AUTS2: variants seen among roughly 807,000 people sequenced by gnomAD.
AUTS2 encodes the protein activator of transcription and developmental regulator AUTS2, also known as autism susceptibility gene 2 protein.
A neutral mutation model predicts 112.4 loss-of-function variants in AUTS2; 17 were observed. That is an observed-to-expected ratio of 0.15 (90% confidence interval 0.10 to 0.23). The LOEUF (loss-of-function observed/expected upper bound fraction) is 0.23, where lower values mean the gene tolerates loss of function less well. Ranked by LOEUF, AUTS2 falls within the 10% of genes least tolerant of loss-of-function variation. The pLI, the probability that AUTS2 is intolerant of heterozygous loss-of-function variation, is 1.00. For missense variants in AUTS2, 1,510 were observed against 1,701.6 expected, an observed-to-expected ratio of 0.89 and a Z score of 1.98; for synonymous variants, 751 against 702.7, an observed-to-expected ratio of 1.07 and a Z score of -1.09.
chr7:69,602,858 T>G (rs1340968035), intron 1 of AUTS2, among the ~76,000 whole-genome samples: 3 of 152,206 alleles, frequency 2.0e-5, no homozygotes, highest in Admixed American at 2.0e-4. Flanking sequence ...GCTATCACAT[T>G]GTGTCCATGC....
intron 1 of AUTS2, among the ~76,000 whole-genome samples, chr7:69,842,518 C>T (rs930125115): frequency 5.9e-5 from 9 of 152,184 alleles, no homozygotes; most frequent in Admixed American, 3.9e-4. Context: ...AAATTTTGAT[C>T]ACAGAAGTGT....
chr7:70,530,967 C>G (rs1283458619), intron 5 of AUTS2, among the ~76,000 whole-genome samples: 1 of 152,118 alleles, frequency 6.6e-6, no homozygotes, highest in African/African-American at 2.4e-5. Context: ...AAGGGGAAGT[C>G]AATGGTACCA....
intron 4 of AUTS2, among the ~76,000 whole-genome samples, chr7:70,428,906 CAG>C (rs1482646286): frequency 4.6e-5 from 7 of 152,256 alleles, no homozygotes; most frequent in African/African-American, 1.7e-4. Context: ...CAATTTGGAC[CAG>C]AGTCTTAAAA....
chr7:69,641,319 A>C (rs1484519507), intron 1 of AUTS2, among the ~76,000 whole-genome samples: 1 of 152,224 alleles, frequency 6.6e-6, no homozygotes, highest in African/African-American at 2.4e-5. Flanking sequence ...ACAAAATTCT[A>C]CTCATACATC....
At chr7:69,905,103 G>A (rs1449277358) in intron 2 of AUTS2, among the ~76,000 whole-genome samples, 1 of 152,108 alleles carries the variant, frequency 6.6e-6, no homozygotes, top group African/African-American at 2.4e-5. Flanking sequence ...GTTTATTCGT[G>A]TTTTTCATTT....
At chr7:70,426,891 C>T (rs1176247385) in intron 4 of AUTS2, among the ~76,000 whole-genome samples, 1 of 152,128 alleles carries the variant, frequency 6.6e-6, no homozygotes, top group Admixed American at 6.6e-5. Context: ...TATTTTAACC[C>T]ATAACATACT....
intron 2 of AUTS2, among the ~76,000 whole-genome samples, chr7:69,916,399 T>TGC (rs1795580756): frequency 1.3e-5 from 2 of 152,222 alleles, no homozygotes; most frequent in Non-Finnish European, 2.9e-5. Flanking sequence ...TAGTGGAAGT[T>TGC]ACATTCTCTT....
intron 2 of AUTS2, among the ~76,000 whole-genome samples, chr7:70,076,146 T>C (rs551068573): frequency 4.7e-4 from 71 of 152,358 alleles, no homozygotes; most frequent in Non-Finnish European, 7.4e-4. Context: ...CCTGATATAT[T>C]CTATTCTTCT....
chr7:70,094,983 G>A (rs1804115093), intron 2 of AUTS2, among the ~76,000 whole-genome samples: 1 of 152,144 alleles, frequency 6.6e-6, no homozygotes, highest in African/African-American at 2.4e-5. Context: ...AATGGTTTGT[G>A]TGTTCTGTTT....
At chr7:69,876,482 GTGTATATATATATA>G (rs1187194649) in intron 1 of AUTS2, among the ~76,000 whole-genome samples, 1 of 37,956 alleles carries the variant, frequency 2.6e-5, no homozygotes, top group African/African-American at 1.4e-4. Context: ...AAAATATTTT[GTGTATATATATATA>G]TATATATATA....
chr7:70,529,463 G>A lies in AUTS2; in HGVS notation c.690+93682G>A, dbSNP rs529231954. Among the ~76,000 whole-genome samples, 4 of 152,292 alleles carry A rather than the reference G, an allele frequency of 2.6e-5. No individual in the cohort carries two copies. The East Asian group carries it at 7.7e-4, about 29-fold the overall frequency. On this transcript the variant is annotated intron_variant, in intron 5 of 18. Transcript: ENST00000342771. ...CTTCCAAGGGCTAAACCTGGAACTTGAGCCCAGGCTGAATTCTCTGTATTC... is the reference window on the plus strand; with the variant it reads ...CTTCCAAGGGCTAAACCTGGAACTTAAGCCCAGGCTGAATTCTCTGTATTC...
intron 1 of AUTS2, among the ~76,000 whole-genome samples, chr7:69,811,878 A>C (rs989125989): frequency 6.6e-6 from 1 of 152,130 alleles, no homozygotes; most frequent in African/African-American, 2.4e-5. Flanking sequence ...GTTTTATTTT[A>C]TGCTGTATTT....
chr7:70,183,201 GA>G (rs948876891), intron 4 of AUTS2, among the ~76,000 whole-genome samples: 13 of 151,318 alleles, frequency 8.6e-5, no homozygotes, highest in Non-Finnish European at 1.5e-4. Context: ...CTTCAGATGA[GA>G]AAAAAAAATC....
chr7:69,660,790 C>T (rs1795751633), intron 1 of AUTS2, among the ~76,000 whole-genome samples: 1 of 152,128 alleles, frequency 6.6e-6, no homozygotes, highest in South Asian at 2.1e-4. Context: ...AAGAAGTTAG[C>T]TGGGTGTGGT....
chr7:70,459,374 G>A (rs1796871197), intron 5 of AUTS2, among the ~76,000 whole-genome samples: 2 of 152,170 alleles, frequency 1.3e-5, no homozygotes, highest in South Asian at 2.1e-4. Flanking sequence ...GTTTCCAAAA[G>A]TGGTACCTTC....
In AUTS2 at chr7:70,766,053, G is replaced by A; in HGVS notation, c.1469-61G>A. 12 of 1,574,084 alleles carry A rather than the reference G, an allele frequency of 7.6e-6. No homozygotes were observed. Among genetic ancestry groups the A allele is most frequent in the Non-Finnish European group, 1.0e-5 (12 of 1,156,802 alleles). ...CAGCCCCGTACCCCTCCACAGGAAGGCAGTCCGATGTCCTTTTCTGAAGGA... is the reference window on the plus strand; with the variant it reads ...CAGCCCCGTACCCCTCCACAGGAAGACAGTCCGATGTCCTTTTCTGAAGGA... On this transcript the variant is annotated intron_variant, in intron 8 of 18. Transcript: ENST00000342771. This position sits in a 1 kb window ranked among gnomAD's most constrained non-coding sequence, Gnocchi z 4.8.
At chr7:70,506,166 A>G (rs1798952152) in intron 5 of AUTS2, among the ~76,000 whole-genome samples, 2 of 152,200 alleles carry the variant, frequency 1.3e-5, no homozygotes, top group African/African-American at 4.8e-5. Flanking sequence ...GCAGGAGCCA[A>G]TCAGGATCAT....
intron 14 of AUTS2, among the ~76,000 whole-genome samples, chr7:70,779,868 G>A (rs1333094067): frequency 6.6e-6 from 1 of 152,040 alleles, no homozygotes; most frequent in Non-Finnish European, 1.5e-5. Flanking sequence ...AGAGAGACCT[G>A]TCTCTACCAA....
At chr7:69,690,812 G>A (rs531664532) in intron 1 of AUTS2, among the ~76,000 whole-genome samples, 3 of 152,284 alleles carry the variant, frequency 2.0e-5, no homozygotes, top group East Asian at 1.9e-4. Context: ...TTTCAGTCCC[G>A]CAATTCAGCG....
Sources: allele counts gnomAD v4.1 joint callset (sites outside exome capture counted in the v4.1 genomes callset), GRCh38; gene constraint gnomAD v4.1.1; non-coding constraint Gnocchi (gnomAD v3.1); transcripts MANE v1.5; gene names NCBI Gene and HGNC (gene_info 2026-07-23, HGNC 2026-07-21).